The following NAP1L1 variants were observed in gnomAD, a reference collection of about 807,000 sequenced individuals.
NAP1L1 encodes the protein nucleosome assembly protein 1-like 1.
A neutral mutation model predicts 58.9 loss-of-function variants in NAP1L1; 9 were observed. That is an observed-to-expected ratio of 0.15 (90% confidence interval 0.09 to 0.27). The LOEUF (loss-of-function observed/expected upper bound fraction) is 0.27. Among genes scored for constraint, NAP1L1 ranks in the 10% least tolerant of loss-of-function variants. NAP1L1 has a pLI of 1.00. For missense variants in NAP1L1, 302 were observed against 458.8 expected (o/e 0.66, Z 3.12); for synonymous variants, 130 against 138.3 (o/e 0.94, Z 0.42).
At chr12:76,060,769 A>T (rs1419496102) in intron 4 of NAP1L1, among the ~76,000 whole-genome samples, 1 of 152,194 alleles carries the variant, frequency 6.6e-6, no homozygotes, top group Non-Finnish European at 1.5e-5. Context: ...AGTGTAACAT[A>T]CTATAAAGAG....
chr12:76,058,997 C>T (rs1949278103), intron 6 of NAP1L1, among the ~76,000 whole-genome samples: 1 of 152,134 alleles, frequency 6.6e-6, no homozygotes, highest in Admixed American at 6.5e-5. Flanking sequence ...GCCTTAAAAC[C>T]ACGTATGTGC....
At chr12:76,051,043 A>G (rs780980327) in intron 11 of NAP1L1, among the ~76,000 whole-genome samples, 2 of 150,836 alleles carry the variant, frequency 1.3e-5, no homozygotes, top group Non-Finnish European at 3.0e-5. Flanking sequence ...AGTTTAAATT[A>G]TATGATGAAG....
Position 76,067,493 on chromosome 12 carries a change from T to G in NAP1L1, c.104-20A>C. The G allele has an allele frequency of 5.2e-6, 8 of 1,535,542 alleles. No homozygotes were observed. The highest frequency in any genetic ancestry group is 6.2e-6 in the Non-Finnish European group (7 of 1,123,090). Reference sequence around the variant, plus strand: ...GACGTGCTTTAAAAAAAAAAGGGCATCGAAAGAAGGATTTTATGAAAATGT... The same window carrying G: ...GACGTGCTTTAAAAAAAAAAGGGCAGCGAAAGAAGGATTTTATGAAAATGT... On this transcript the variant is annotated intron_variant, in intron 3 of 14. Coordinates refer to ENST00000618691, the MANE Select transcript of NAP1L1 (RefSeq NM_004537.7).
intron 7 of NAP1L1, 103 bp downstream of exon 7, chr12:76,055,930 T>A (rs1413343312): frequency 8.4e-7 from 1 of 1,193,820 alleles, no homozygotes; most frequent in African/African-American, 1.6e-5. Context: ...AAGTAAGCAA[T>A]CATTCTAGAA....
intron 2 of NAP1L1, among the ~76,000 whole-genome samples, chr12:76,072,273 T>A (rs544775279): frequency 2.3e-5 from 3 of 132,724 alleles, no homozygotes; most frequent in East Asian, 4.3e-4. Flanking sequence ...GACATTATCA[T>A]CAATGAAACA....
At chr12:76,058,387 CTTTTT>C (rs34510500) in intron 6 of NAP1L1, among the ~76,000 whole-genome samples, 1 of 133,186 alleles carries the variant, frequency 7.5e-6, no homozygotes. Flanking sequence ...TTATTTGGTA[CTTTTT>C]TTTTTTTTTT....
chr12:76,053,980 T>G, intron 8 of NAP1L1, 71 bp from the exon 9 acceptor site: 1 of 1,430,440 alleles, frequency 7.0e-7, no homozygotes. Context: ...TAAACACAGC[T>G]TCATCTGTTT....
chr12:76,048,935 C>A, intron 14 of NAP1L1: 1 of 493,358 alleles, frequency 2.0e-6, no homozygotes, highest in Non-Finnish European at 3.6e-6. Flanking sequence ...TACAAATCGT[C>A]CCATTAAAAT....
At chr12:76,074,833 G>A (rs1424680664) in intron 1 of NAP1L1, among the ~76,000 whole-genome samples, 3 of 152,050 alleles carry the variant, frequency 2.0e-5, no homozygotes, top group Non-Finnish European at 2.9e-5. Context: ...TTAATGTTAG[G>A]TAAGCCTTCC....
chr12:76,072,858 C>T (rs1241590100), intron 2 of NAP1L1, among the ~76,000 whole-genome samples: 2 of 152,146 alleles, frequency 1.3e-5, no homozygotes, highest in African/African-American at 4.8e-5. Context: ...TAGTCGTTTT[C>T]AGTCATGACA....
At chr12:76,058,194 CAT>C (rs3082540) in intron 6 of NAP1L1, 31,071 of 367,124 alleles carry the variant, frequency 0.085, 3,211 homozygotes, top group Admixed American at 0.16. Context: ...GAGAGGCCTA[CAT>C]ATATATATAT....
intron 6 of NAP1L1, chr12:76,058,194 CATAT>C (rs3082540): frequency 0.11 from 39,489 of 366,872 alleles, 4,856 homozygotes; most frequent in African/African-American, 0.24. Flanking sequence ...GAGAGGCCTA[CATAT>C]ATATATATAT....
At chr12:76,054,565 G>C (rs966741223) in intron 8 of NAP1L1, among the ~76,000 whole-genome samples, 2 of 152,126 alleles carry the variant, frequency 1.3e-5, no homozygotes, top group African/African-American at 2.4e-5. Context: ...TTAAATAGTA[G>C]ACTAAACGTG....
rs963413074 is a variant in NAP1L1 at position 76,059,811 on chromosome 12, T to C, written c.416A>G (p.Glu139Gly). 1 of 1,603,512 alleles carries C rather than the reference T, an allele frequency of 6.2e-7. No individual in the cohort carries two copies. Among genetic ancestry groups the C allele is most frequent in the African/African-American group, 1.3e-5 (1 of 74,594 alleles). ...EEECEWKPDE[E>G]DEISEELKEK... ...GTTGGTACTAACCGAAATCTCATCT[T>C]CTTCATCTGGTTTCCATTCACATTC... Residue 139 changes from glutamate (E) to glycine (G), a missense_variant, in exon 6 of 15, where the codon GAA becomes GGA. Transcript: ENST00000618691.
intron 3 of NAP1L1, among the ~76,000 whole-genome samples, chr12:76,067,997 A>G (rs1949763553): frequency 6.6e-6 from 1 of 152,244 alleles, no homozygotes; most frequent in East Asian, 1.9e-4. Context: ...GACTGTAACT[A>G]AAGCCAAACA....
intron 6 of NAP1L1, chr12:76,057,008 A>G: frequency 4.9e-6 from 1 of 202,398 alleles, no homozygotes; most frequent in South Asian, 7.4e-5. Flanking sequence ...AACTATAAAA[A>G]TAGGCTGGGC....
At position 76,048,196 on chromosome 12, in the gene NAP1L1, G is replaced by T; in HGVS notation, c.*233C>A. 4.6e-6 allele frequency: 2 copies of T among 430,932 alleles called. No homozygotes were observed. The highest frequency in any genetic ancestry group is 3.5e-5 in the East Asian group (1 of 28,594). 26.7% of individuals were successfully genotyped at this position (430,932 alleles called of 1,614,324 possible). On this transcript the variant is annotated 3_prime_UTR_variant, in exon 15 of 15. Transcript: ENST00000618691. ...AAATATTCCAGAAGAACCAAATTAT[G>T]TAGCAATGAATGAACATGCGTGACA...
Position 76,040,092 on chromosome 12 carries a change from A to G in NAP1L1, c.*8337T>C, listed in dbSNP as rs931972272. On this transcript the variant is annotated 3_prime_UTR_variant, in exon 15 of 15. Transcript: ENST00000618691. Reference sequence around the variant, plus strand: ...ATAGCTGGAAATCAATTGTCCAGCTATAATTCAAGTAAAAGATTCCAAAAT... The same window carrying G: ...ATAGCTGGAAATCAATTGTCCAGCTGTAATTCAAGTAAAAGATTCCAAAAT... 4 of 152,212 alleles carry G rather than the reference A, an allele frequency of 2.6e-5. No homozygotes were observed. The highest frequency in any genetic ancestry group is 6.5e-5 in the Admixed American group (1 of 15,276). 9.4% of individuals were successfully genotyped at this position (152,212 alleles called of 1,614,324 possible). A position where few individuals can be genotyped will look rare whatever the true frequency, so the allele number is the denominator to read the frequency against.
intron 11 of NAP1L1, among the ~76,000 whole-genome samples, chr12:76,052,391 T>C (rs920307997): frequency 2.0e-4 from 30 of 152,172 alleles, no homozygotes; most frequent in African/African-American, 6.5e-4. Context: ...TTATGTTCTC[T>C]TTTTTTGTCC....
Sources: gnomAD v4.1 joint callset for allele counts (sites outside exome capture counted in the v4.1 genomes callset) on GRCh38, gnomAD v4.1.1 for gene constraint, MANE v1.5 for transcripts, NCBI Gene and HGNC (gene_info 2026-07-23, HGNC 2026-07-21) for gene names.